The following ASAP1 variants were observed in gnomAD, a reference collection of about 807,000 sequenced individuals.
ASAP1 encodes ArfGAP with SH3 domain, ankyrin repeat and PH domain 1.
In ASAP1, 43 loss-of-function variants were observed where a neutral mutation model predicts 145.2. The observed-to-expected ratio is 0.30, with a 90% CI of 0.23 to 0.38. The LOEUF is 0.38. ASAP1 is among the 10% of genes least tolerant of loss of function. The pLI is 1.00. For synonymous variants in ASAP1, 546 were observed against 515.5 expected, an observed-to-expected ratio of 1.06 and a Z score of -0.80; for missense variants, 1,018 against 1,355.3, an observed-to-expected ratio of 0.75 and a Z score of 3.91.
At chr8:130,138,611 T>C (rs1165188863) in intron 13 of ASAP1, among the ~76,000 whole-genome samples, 2 of 151,852 alleles carry the variant, frequency 1.3e-5, no homozygotes, top group East Asian at 3.9e-4. Flanking sequence ...CTGAGGTGGG[T>C]GGATCACCTG....
intron 1 of ASAP1, among the ~76,000 whole-genome samples, chr8:130,430,213 C>T (rs146274467): frequency 3.3e-3 from 500 of 152,290 alleles, no homozygotes; most frequent in Non-Finnish European, 5.5e-3. Flanking sequence ...ATTCATCAAA[C>T]ATGAATTAAG....
chr8:130,192,547 C>T (rs1426008944), intron 5 of ASAP1, among the ~76,000 whole-genome samples: 1 of 152,134 alleles, frequency 6.6e-6, no homozygotes, highest in Non-Finnish European at 1.5e-5. Flanking sequence ...TAGCATCCTC[C>T]TATCCTATGG....
chr8:130,217,507 T>A (rs1817005877), intron 4 of ASAP1, among the ~76,000 whole-genome samples: 1 of 145,956 alleles, frequency 6.9e-6, no homozygotes. Context: ...ATTATATGTG[T>A]ATATATGTGT....
intron 2 of ASAP1, among the ~76,000 whole-genome samples, chr8:130,390,981 C>T (rs1828257053): frequency 6.8e-6 from 1 of 146,370 alleles, no homozygotes; most frequent in African/African-American, 2.6e-5. Context: ...TATTTGTATA[C>T]CCATATTCAT....
At chr8:130,189,547 C>T (rs189306616) in intron 5 of ASAP1, among the ~76,000 whole-genome samples, 1 of 152,254 alleles carries the variant, frequency 6.6e-6, no homozygotes, top group Admixed American at 6.5e-5. Context: ...TCTTTATCTA[C>T]TCAACTGTTG....
At chr8:130,153,185 A>C (rs905858120) in intron 12 of ASAP1, among the ~76,000 whole-genome samples, 7 of 150,986 alleles carry the variant, frequency 4.6e-5, no homozygotes, top group African/African-American at 1.7e-4. Flanking sequence ...GCGCCCGGCT[A>C]ATTTTTTTAT....
intron 3 of ASAP1, among the ~76,000 whole-genome samples, chr8:130,268,762 G>C (rs1262798374): frequency 6.6e-6 from 1 of 152,088 alleles, no homozygotes; most frequent in Non-Finnish European, 1.5e-5. Flanking sequence ...CATTTAGAGG[G>C]GAGGCATTCA....
chr8:130,347,291 T>G (rs117728292), intron 3 of ASAP1, among the ~76,000 whole-genome samples: 1 of 152,198 alleles, frequency 6.6e-6, no homozygotes, highest in Admixed American at 6.5e-5. Flanking sequence ...GGCAGCACAG[T>G]GCTCTGACCA....
At chr8:130,209,237 C>T (rs886657445) in intron 5 of ASAP1, among the ~76,000 whole-genome samples, 1 of 152,168 alleles carries the variant, frequency 6.6e-6, no homozygotes, top group African/African-American at 2.4e-5. Context: ...TTTCCCCATT[C>T]TACTAGTGAG....
intron 6 of ASAP1, 49 bp downstream of exon 6, chr8:130,188,060 A>T (rs763839843): frequency 1.6e-5 from 22 of 1,403,068 alleles, no homozygotes; most frequent in Non-Finnish European, 2.2e-5. Flanking sequence ...AGGAAAAAAA[A>T]AATTAATCCT....
rs1047993404 is a variant in ASAP1, at chr8:130,054,573, C to A, written c.*158G>T. 6.4e-6 allele frequency: 4 copies of A among 626,764 alleles called. No homozygotes were observed. The highest frequency in any genetic ancestry group is 2.5e-5 in the Admixed American group (1 of 39,474). The allele number at this position is 626,764 out of a possible 1,614,324, so 38.8% of individuals were successfully genotyped here. On this transcript the variant is annotated 3_prime_UTR_variant, in exon 30 of 30. Coordinates refer to ENST00000518721, the MANE Select transcript of ASAP1 (RefSeq NM_018482.4). ...TCATACTGGTGAAGGCAGAAAACCA[C>A]AGGATATTTACAACACACATTATAT...
At chr8:130,397,484 A>G (rs1040795070) in intron 2 of ASAP1, among the ~76,000 whole-genome samples, 2 of 152,246 alleles carry the variant, frequency 1.3e-5, no homozygotes, top group South Asian at 2.1e-4. Flanking sequence ...ACACGTCTTC[A>G]TAAGTGAAGT....
At chr8:130,190,658 C>T (rs1272610267) in intron 5 of ASAP1, among the ~76,000 whole-genome samples, 4 of 152,178 alleles carry the variant, frequency 2.6e-5, no homozygotes, top group African/African-American at 4.8e-5. Flanking sequence ...GCTGGGATCA[C>T]AGGCATGCAT....
intron 27 of ASAP1, among the ~76,000 whole-genome samples, chr8:130,068,380 C>A (rs567918582): frequency 3.3e-5 from 5 of 152,040 alleles, no homozygotes; most frequent in African/African-American, 9.7e-5. Context: ...TTGTGGTTAC[C>A]AAGAAGGTAG....
intron 3 of ASAP1, among the ~76,000 whole-genome samples, chr8:130,296,995 C>T (rs191147827): frequency 6.6e-6 from 1 of 152,134 alleles, no homozygotes; most frequent in Admixed American, 6.5e-5. Flanking sequence ...AGGGCAGAGA[C>T]AAAGAATCCC....
chr8:130,221,124 C>G (rs1450326072), intron 4 of ASAP1, among the ~76,000 whole-genome samples: 2 of 152,084 alleles, frequency 1.3e-5, no homozygotes, highest in Non-Finnish European at 2.9e-5. Flanking sequence ...GTCCCAGCTA[C>G]TTGTGAGGCT....
chr8:130,139,650 G>A (rs1053324451), intron 13 of ASAP1, among the ~76,000 whole-genome samples: 4 of 151,966 alleles, frequency 2.6e-5, no homozygotes, highest in African/African-American at 9.6e-5. Context: ...AATCACTTGA[G>A]CCTGACAGGT....
chr8:130,437,738 C>A (rs1830363496), intron 1 of ASAP1, among the ~76,000 whole-genome samples: 1 of 152,182 alleles, frequency 6.6e-6, no homozygotes, highest in African/African-American at 2.4e-5. Flanking sequence ...CAACATCCCC[C>A]AGAAGCCGCG....
At chr8:130,418,179 G>A (rs909520949) in intron 1 of ASAP1, among the ~76,000 whole-genome samples, 3 of 152,116 alleles carry the variant, frequency 2.0e-5, no homozygotes, top group African/African-American at 7.2e-5. Context: ...GAGAATAGGA[G>A]CATAAGTCTT....
Sources: allele counts gnomAD v4.1 joint callset (sites outside exome capture counted in the v4.1 genomes callset), GRCh38; gene constraint gnomAD v4.1.1; transcripts MANE v1.5; gene names NCBI Gene and HGNC (gene_info 2026-07-23, HGNC 2026-07-21).